The following MYH7B variants were observed in gnomAD, a reference collection of about 807,000 sequenced individuals.
MYH7B encodes myosin-7B.
MYH7B carries 205 observed loss-of-function variants against 234.5 expected under a neutral mutation model. The observed-to-expected ratio is 0.87, with a 90% confidence interval of 0.78 to 0.98. The LOEUF (loss-of-function observed/expected upper bound fraction) is 0.98. MYH7B is among the 50% of genes least tolerant of loss of function. MYH7B has a pLI of 0.00. For missense variants in MYH7B, 2,652 were observed against 2,633.4 expected, an observed-to-expected ratio of 1.01 and a Z score of -0.15; for synonymous variants, 1,193 against 1,105.0, an observed-to-expected ratio of 1.08 and a Z score of -1.58.
At chr20:34,957,626 A>G (rs1420190346) in intron 1 of MYH7B, among the ~76,000 whole-genome samples, 1 of 151,362 alleles carries the variant, frequency 6.6e-6, no homozygotes, top group Non-Finnish European at 1.5e-5. Flanking sequence ...AGTAGCTGGG[A>G]TTACAGGCGT....
exon 28 of MYH7B, chr20:34,995,394 T>C: frequency 6.2e-7 from 1 of 1,613,918 alleles, no homozygotes; most frequent in East Asian, 2.2e-5. Flanking sequence ...AAGTCCAAGG[T>C]GCAGCTGGAG....
exon 16 of MYH7B, chr20:34,987,228 G>A (rs202180889): frequency 2.5e-6 from 4 of 1,612,110 alleles, no homozygotes; most frequent in African/African-American, 1.3e-5. Flanking sequence ...CTGCACTTTG[G>A]CAACATGAAG....
chr20:34,970,850 A>G (rs1261074091), intron 2 of MYH7B, among the ~76,000 whole-genome samples: 1 of 151,984 alleles, frequency 6.6e-6, no homozygotes, highest in Non-Finnish European at 1.5e-5. Context: ...AAAGAACAAG[A>G]CCCTTGAGAG....
chr20:34,986,923 C>A, exon 15 of MYH7B: 1 of 1,614,148 alleles, frequency 6.2e-7, no homozygotes, highest in South Asian at 1.1e-5. Context: ...ATGACTACCA[C>A]TTCTGCAGCC....
intron 19 of MYH7B, among the ~76,000 whole-genome samples, 189 bp downstream of exon 19, chr20:34,988,451 T>A (rs1486342752): frequency 6.6e-6 from 1 of 151,320 alleles, no homozygotes; most frequent in East Asian, 2.0e-4. Context: ...AGGGCACGTG[T>A]GTGAGTGGGT....
intron 30 of MYH7B, 57 bp downstream of exon 30, chr20:34,996,815 C>T: frequency 6.4e-7 from 1 of 1,571,922 alleles, no homozygotes; most frequent in Non-Finnish European, 8.6e-7. Flanking sequence ...GGCCCTTGTT[C>T]CCTTCTGGAT....
At position 34,995,195 on chromosome 20, in the gene MYH7B, C is replaced by T. The variant is rs544369986; in HGVS notation, c.2701-141C>T. The T allele has an allele frequency of 1.5e-4, 117 of 789,478 alleles. No homozygotes were observed. In the East Asian group the frequency reaches 3.0e-3, roughly 20 times the overall value. 48.9% of individuals were successfully genotyped at this position (789,478 alleles called of 1,614,324 possible). A position where few individuals can be genotyped will look rare whatever the true frequency, so the allele number is the denominator to read the frequency against. Reference sequence around the variant, plus strand: ...GCTATTGCCCTTCCATGCCCAAGAGCGAGTCAAGACATTCCTGAGTTCTCA... The same window carrying T: ...GCTATTGCCCTTCCATGCCCAAGAGTGAGTCAAGACATTCCTGAGTTCTCA... On this transcript the variant is annotated intron_variant, in intron 27 of 44. Coordinates refer to ENST00000262873, the Ensembl canonical transcript of MYH7B.
Position 34,984,832 on chromosome 20 carries a change from C to T in MYH7B, c.649-22C>T, listed in dbSNP as rs756376033. On this transcript the variant is annotated intron_variant, in intron 11 of 44. Coordinates refer to ENST00000262873, the Ensembl canonical transcript of MYH7B. The stretch of plus-strand genomic sequence containing the variant: ...TGGGTAGGCACCAGAACTGACAGAC[C>T]CCCTCACCCCCACCGCCCCAGGGCA... 13 of 1,605,392 alleles carry T rather than the reference C, an allele frequency of 8.1e-6. No homozygotes were observed. In the Admixed American group the frequency reaches 2.2e-4, roughly 27 times the overall value.
chr20:34,972,734 A>G (rs997639034), intron 2 of MYH7B, among the ~76,000 whole-genome samples: 11 of 151,906 alleles, frequency 7.2e-5, no homozygotes, highest in Non-Finnish European at 1.6e-4. Context: ...GGATCAAGCA[A>G]TCCTCTCGCC....
At chr20:34,994,032 T>C (rs1008954607) in intron 26 of MYH7B, 114 bp from the exon 27 acceptor site, 33 of 1,363,862 alleles carry the variant, frequency 2.4e-5, no homozygotes, top group Non-Finnish European at 3.4e-5. Flanking sequence ...GCAGAGCTAT[T>C]AGGAGCTACT....
chr20:35,000,284 C>T lies in MYH7B; in HGVS notation c.4782-9C>T. 6.4e-7 allele frequency: 1 copy of T among 1,558,722 alleles called. No individual in the cohort carries two copies. Among genetic ancestry groups the T allele is most frequent in the Non-Finnish European group, 8.6e-7 (1 of 1,159,658 alleles). On this transcript the variant is annotated splice_polypyrimidine_tract_variant and intron_variant, in intron 38 of 44. Transcript: ENST00000262873. ...CGAGACCCCCTTTCATGCCACCCTC[C>T]TCCCATAGGCGCAACCACCAGCGAG...
rs115275866 is a variant in MYH7B at position 34,986,981 on chromosome 20, G to A, written c.1000G>A (p.Ala334Thr). The change falls in exon 15 of 45, where the codon GCC (alanine) becomes ACC (threonine). Residue 334 changes from alanine (A) to threonine (T), a missense_variant. Coordinates refer to ENST00000262873, the Ensembl canonical transcript of MYH7B. ...CATGAATGATGGGGAGGAGCTCATC[G>A]CCACCGACGTATGAGCTCTGGTGGG... The A allele has an allele frequency of 7.8e-4, 1,259 of 1,613,266 alleles. 6 individuals are homozygous for A. In the African/African-American group the frequency reaches 0.015, roughly 19 times the overall value.
intron 2 of MYH7B, among the ~76,000 whole-genome samples, chr20:34,970,345 C>T (rs1252362437): frequency 2.0e-5 from 3 of 152,246 alleles, no homozygotes; most frequent in Non-Finnish European, 4.4e-5. Flanking sequence ...GTCTCATACC[C>T]ATGTGCCCTT....
At chr20:35,002,205 G>A in exon 45 of MYH7B, 1 of 1,518,166 alleles carries the variant, frequency 6.6e-7, no homozygotes, top group Non-Finnish European at 8.8e-7. Context: ...GACCCCCTGG[G>A]CTCTAAAGAG....
intron 7 of MYH7B, 28 bp from the exon 8 acceptor site, chr20:34,980,550 A>G (rs1401505133): frequency 1.9e-6 from 3 of 1,591,286 alleles, no homozygotes; most frequent in Non-Finnish European, 2.6e-6. Context: ...AAACAACAAC[A>G]TAAACCCTAC....
At chr20:34,989,974 G>C (rs1279636875) in intron 20 of MYH7B, 40 bp from the exon 21 acceptor site, 19 of 1,613,208 alleles carry the variant, frequency 1.2e-5, no homozygotes, top group Non-Finnish European at 1.5e-5. Flanking sequence ...CCCTGCTCCA[G>C]GTCTCCCACC....
intron 2 of MYH7B, among the ~76,000 whole-genome samples, chr20:34,959,239 C>G (rs2081669200): frequency 6.6e-6 from 1 of 152,182 alleles, no homozygotes; most frequent in Admixed American, 6.5e-5. Context: ...GATCAAGACA[C>G]ATAGGATTGG....
At chr20:34,996,495 G>C in exon 29 of MYH7B, 1 of 1,611,654 alleles carries the variant, frequency 6.2e-7, no homozygotes, top group South Asian at 1.1e-5. Flanking sequence ...CCAAGGCCAA[G>C]CTCCGGCTGG....
At chr20:34,979,972 A>C in intron 7 of MYH7B, 168 bp downstream of exon 7, 2 of 207,940 alleles carry the variant, frequency 9.6e-6, no homozygotes, top group Non-Finnish European at 7.6e-6. Flanking sequence ...GTGAGCGATG[A>C]GGCGGGGCTC....
Sources: allele counts gnomAD v4.1 joint callset (sites outside exome capture counted in the v4.1 genomes callset), GRCh38; gene constraint gnomAD v4.1.1; transcripts MANE v1.5; gene names NCBI Gene and HGNC (gene_info 2026-07-23, HGNC 2026-07-21).